The following PPFIBP2 variants were observed in gnomAD, a reference collection of about 807,000 sequenced individuals.
PPFIBP2 encodes liprin-beta-2.
A neutral mutation model predicts 118.3 loss-of-function variants in PPFIBP2; 118 were observed. The ratio of observed to expected loss-of-function variants is 1.00; its 90% CI spans 0.86 to 1.16. The LOEUF is 1.16. Ranked by LOEUF, PPFIBP2 falls within the 50% of genes most tolerant of loss-of-function variation. The pLI, the probability that PPFIBP2 is intolerant of heterozygous loss-of-function variation, is 0.00. For synonymous variants in PPFIBP2, 414 were observed against 397.4 expected (o/e 1.04, Z -0.50); for missense variants, 1,195 against 1,073.1 (o/e 1.11, Z -1.59).
the PPFIBP2 span, chr11:7,666,106 G>T: frequency 1.6e-6 from 1 of 628,696 alleles, no homozygotes; most frequent in African/African-American, 1.8e-5. Context: ...AAGCAGAAGG[G>T]TGAGTGGTGA....
At chr11:7,578,579 A>G (rs1590338005) in intron 3 of PPFIBP2, among the ~76,000 whole-genome samples, 1 of 152,142 alleles carries the variant, frequency 6.6e-6, no homozygotes, top group Non-Finnish European at 1.5e-5. Context: ...GCAAAATAGA[A>G]CCAGCCTCTT....
At chr11:7,656,301 G>A (rs73396669), downstream of PPFIBP2, among the ~76,000 whole-genome samples, 904 of 152,294 alleles carry the variant, frequency 5.9e-3, 9 homozygotes, top group African/African-American at 0.02. Flanking sequence ...CCCTGTCCCT[G>A]TACTTTGCTT....
chr11:7,618,006 G>A (rs187373346), intron 6 of PPFIBP2, among the ~76,000 whole-genome samples: 6 of 152,290 alleles, frequency 3.9e-5, no homozygotes, highest in African/African-American at 1.4e-4. Context: ...GAGGCCTCCT[G>A]TTGAAGAGGA....
Position 7,565,603 on chromosome 11 carries a change from G to T in PPFIBP2, c.115G>T (p.Ala39Ser). 1 of 1,614,162 alleles carries T rather than the reference G, an allele frequency of 6.2e-7. No individual in the cohort carries two copies. The highest frequency in any genetic ancestry group is 8.5e-7 in the Non-Finnish European group (1 of 1,180,026). ...LSDGTCEPGL[A>S]SPASYMNPFP... is the part of the protein sequence containing the mutation. ...TGATGGTACTTGTGAGCCTGGACTG[G>T]CTTCCCCGGCCTCCTACATGAACCC... The change falls in exon 3 of 24, where the codon GCT (alanine) becomes TCT (serine). Residue 39 changes from alanine to serine, a missense_variant. By Grantham distance (99) the Ala-to-Ser change is moderately conservative. Coordinates refer to ENST00000299492, the MANE Select transcript of PPFIBP2 (RefSeq NM_003621.5).
chr11:7,607,236 G>T (rs1445739043), intron 5 of PPFIBP2, among the ~76,000 whole-genome samples: 1 of 144,440 alleles, frequency 6.9e-6, no homozygotes, highest in Non-Finnish European at 1.5e-5. Flanking sequence ...TTAAGACAGG[G>T]TCTCACTGTC....
intron 15 of PPFIBP2, among the ~76,000 whole-genome samples, chr11:7,640,443 C>G (rs1427506056): frequency 6.6e-6 from 1 of 152,192 alleles, no homozygotes; most frequent in East Asian, 1.9e-4. Context: ...GCTTTTGCTG[C>G]TTTTCATTCA....
At chr11:7,522,019 G>A (rs901715006) in intron 1 of PPFIBP2, among the ~76,000 whole-genome samples, 1 of 152,156 alleles carries the variant, frequency 6.6e-6, no homozygotes, top group Non-Finnish European at 1.5e-5. Context: ...TGACATTAAA[G>A]TTTCCATACT....
intron 1 of PPFIBP2, among the ~76,000 whole-genome samples, chr11:7,522,413 G>T (rs1005665287): frequency 6.6e-6 from 1 of 152,186 alleles, no homozygotes; most frequent in Non-Finnish European, 1.5e-5. Context: ...GGAGCCTCGG[G>T]TAGTTTCTTG....
chr11:7,662,046 C>A (rs527827592), downstream of PPFIBP2, among the ~76,000 whole-genome samples: 503 of 141,914 alleles, frequency 3.5e-3, 4 homozygotes, highest in Non-Finnish European at 2.7e-3. Context: ...TGTGTCTCTG[C>A]ACGTGAGATG....
chr11:7,647,039 A>T (rs1195736261), intron 17 of PPFIBP2, among the ~76,000 whole-genome samples: 1 of 152,184 alleles, frequency 6.6e-6, no homozygotes, highest in Non-Finnish European at 1.5e-5. Flanking sequence ...GTTCCAGATT[A>T]TGATTGATCA....
At chr11:7,611,077 A>G (rs1370599563) in intron 6 of PPFIBP2, among the ~76,000 whole-genome samples, 2 of 152,134 alleles carry the variant, frequency 1.3e-5, no homozygotes, top group African/African-American at 4.8e-5. Context: ...CTGTGCCTCT[A>G]CCTTTAAGTT....
At chr11:7,657,847 TGTC>T (rs1854793910), downstream of PPFIBP2, among the ~76,000 whole-genome samples, 1 of 152,226 alleles carries the variant, frequency 6.6e-6, no homozygotes, top group South Asian at 2.1e-4. Flanking sequence ...TGAAGTTTCT[TGTC>T]GTCTTACCAT....
intron 12 of PPFIBP2, among the ~76,000 whole-genome samples, chr11:7,634,231 T>C (rs750787341): frequency 1.3e-5 from 2 of 152,250 alleles, no homozygotes; most frequent in Non-Finnish European, 2.9e-5. Flanking sequence ...GAGTGTATTC[T>C]GGCTTTTTGT....
intron 3 of PPFIBP2, 45 bp downstream of exon 3, chr11:7,565,812 T>C (rs1193064574): frequency 7.5e-6 from 12 of 1,597,662 alleles, no homozygotes; most frequent in East Asian, 4.5e-5. Context: ...GGGAATGTAA[T>C]GGTGCAGCCC....
At chr11:7,666,488 C>A in the PPFIBP2 span, 8 of 1,613,518 alleles carry the variant, frequency 5.0e-6, no homozygotes, top group Non-Finnish European at 6.8e-6. Context: ...ACAGGTTGAA[C>A]TGGTCTGGGT....
intron 1 of PPFIBP2, among the ~76,000 whole-genome samples, chr11:7,532,006 T>G (rs1171625075): frequency 6.6e-6 from 1 of 152,044 alleles, no homozygotes; most frequent in African/African-American, 2.4e-5. Context: ...TGGCTAGTTT[T>G]TGTGTGTGTG....
chr11:7,516,527 C>CGAGA (rs901395759), intron 1 of PPFIBP2, among the ~76,000 whole-genome samples: 3 of 152,026 alleles, frequency 2.0e-5, no homozygotes, highest in African/African-American at 7.3e-5. Context: ...GTTCGAACCC[C>CGAGA]GAGAGCCTGC....
rs781243297 is a variant in PPFIBP2 at position 7,565,586 on chromosome 11, C to T, written c.98C>T (p.Thr33Ile). The change falls in exon 3 of 24, where the codon ACT becomes ATT. Residue 33 changes from threonine (T) to isoleucine (I), a missense_variant. Physicochemically the swap from Thr to Ile is moderately conservative, Grantham distance 89. Coordinates refer to ENST00000299492, the MANE Select transcript of PPFIBP2 (RefSeq NM_003621.5). ...TKTGADLSDG[T>I]CEPGLASPAS... Reference sequence around the variant, plus strand: ...ACAGGTGCAGATCTTAGTGATGGTACTTGTGAGCCTGGACTGGCTTCCCCG... The same window carrying T: ...ACAGGTGCAGATCTTAGTGATGGTATTTGTGAGCCTGGACTGGCTTCCCCG... 7 of 1,614,216 alleles carry T rather than the reference C, an allele frequency of 4.3e-6. No individual in the cohort carries two copies. The highest frequency in any genetic ancestry group is 2.2e-5 in the East Asian group (1 of 44,874).
downstream of PPFIBP2, among the ~76,000 whole-genome samples, chr11:7,654,446 G>C (rs1361979553): frequency 6.6e-6 from 1 of 152,328 alleles, no homozygotes; most frequent in South Asian, 2.1e-4. Context: ...TGATGGCCTG[G>C]GCACGGCCTG....
Sources: allele counts gnomAD v4.1 joint callset (sites outside exome capture counted in the v4.1 genomes callset), GRCh38; gene constraint gnomAD v4.1.1; transcripts MANE v1.5; gene names NCBI Gene and HGNC (gene_info 2026-07-23, HGNC 2026-07-21).